The following EPB41 variants were observed in gnomAD, a reference collection of about 807,000 sequenced individuals.
The protein encoded by EPB41 is erythrocyte membrane protein band 4.1.
In EPB41, 65 loss-of-function variants were observed where a neutral mutation model predicts 108.0. The observed-to-expected ratio is 0.60, with a 90% confidence interval of 0.49 to 0.74. EPB41 has a LOEUF of 0.74. Ranked by LOEUF, EPB41 falls within the 30% of genes least tolerant of loss-of-function variation. EPB41 has a pLI of 0.00. For synonymous variants in EPB41, 336 were observed against 358.9 expected (o/e 0.94, Z 0.72); for missense variants, 875 against 1,037.0 (o/e 0.84, Z 2.15).
intron 2 of EPB41, among the ~76,000 whole-genome samples, chr1:28,988,504 C>T (rs950613757): frequency 6.6e-6 from 1 of 151,836 alleles, no homozygotes; most frequent in Admixed American, 6.6e-5. Flanking sequence ...GGATTACAGG[C>T]GCTGGCCACC....
intron 16 of EPB41, among the ~76,000 whole-genome samples, chr1:29,066,831 G>A (rs902115686): frequency 1.6e-4 from 25 of 151,606 alleles, no homozygotes; most frequent in Admixed American, 1.1e-3. Flanking sequence ...CTGCCGCCAC[G>A]CCCAGCTAAT....
chr1:29,105,743 C>CTT (rs63685960), intron 17 of EPB41, among the ~76,000 whole-genome samples: 2,932 of 90,850 alleles, frequency 0.032, 118 homozygotes, highest in African/African-American at 0.038. Context: ...ATGTACAGAT[C>CTT]TTTTTTTTTT....
intron 1 of EPB41, among the ~76,000 whole-genome samples, chr1:28,962,170 C>T (rs1001770060): frequency 5.3e-5 from 8 of 151,988 alleles, no homozygotes; most frequent in South Asian, 4.2e-4. Flanking sequence ...AAGCGATTCT[C>T]CTGCCTCAGG....
intron 1 of EPB41, among the ~76,000 whole-genome samples, chr1:28,951,849 G>T (rs1330085096): frequency 1.3e-5 from 2 of 152,140 alleles, no homozygotes; most frequent in Non-Finnish European, 2.9e-5. Context: ...TCGTACTGCA[G>T]CCTGGGAATG....
Position 29,108,622 on chromosome 1 carries a change from A to T in EPB41, c.2314-714A>T, listed in dbSNP as rs994478811. On this transcript the variant is annotated intron_variant, in intron 17 of 20. Transcript: ENST00000343067. ...CCCAGGCTGGAAGTACAGTGGCGGG[A>T]TCTTGGCTCACTGCAACTTCCACCT... is the stretch of plus-strand genomic sequence containing the variant. 2.6e-5 allele frequency among the ~76,000 whole-genome samples: 4 copies of T among 151,352 alleles called. No individual in the cohort carries two copies. In the East Asian group the frequency reaches 6.0e-4, roughly 23 times the overall value.
chr1:28,917,268 ATG>A (rs1284406404), intron 1 of EPB41, among the ~76,000 whole-genome samples: 2 of 147,196 alleles, frequency 1.4e-5, no homozygotes, highest in Admixed American at 1.4e-4. Context: ...GTGTGTGTGT[ATG>A]TGTGTGTGTG....
rs201679138 is a variant in EPB41 at position 29,036,676 on chromosome 1, A to ATT, written c.1463+769_1463+770dup. ...CTATAAGGTTAAAGATGTGAAGCTG[A>ATT]TTTTTTTTTTTTTTTTTCGAGACAG... On this transcript the variant is annotated intron_variant, in intron 10 of 20. Transcript: ENST00000343067. Among the ~76,000 whole-genome samples the ATT allele has an allele frequency of 1.1e-3, 126 of 116,118 alleles. 1 individual carries two copies. Among genetic ancestry groups the ATT allele is most frequent in the African/African-American group, 3.5e-3 (113 of 32,390 alleles). 76.2% of individuals were successfully genotyped at this position (116,118 alleles called of 152,430 possible).
intron 7 of EPB41, among the ~76,000 whole-genome samples, chr1:29,019,051 A>T (rs763941556): frequency 6.6e-6 from 1 of 152,140 alleles, no homozygotes; most frequent in Non-Finnish European, 1.5e-5. Context: ...AATGTCTCTG[A>T]GCCTCAGGTT....
chr1:28,948,722 G>A (rs548458743), intron 1 of EPB41, among the ~76,000 whole-genome samples: 6 of 152,152 alleles, frequency 3.9e-5, no homozygotes, highest in African/African-American at 7.2e-5. Context: ...AGGCCAAGGC[G>A]GGCAGATCAC....
intron 1 of EPB41, among the ~76,000 whole-genome samples, chr1:28,951,203 T>C (rs982629970): frequency 6.6e-6 from 1 of 152,204 alleles, no homozygotes; most frequent in Non-Finnish European, 1.5e-5. Context: ...GATGGTATTA[T>C]GGCTTTTGGT....
At chr1:29,106,744 T>G (rs1279095441) in intron 17 of EPB41, among the ~76,000 whole-genome samples, 1 of 151,196 alleles carries the variant, frequency 6.6e-6, no homozygotes, top group Admixed American at 6.6e-5. Flanking sequence ...TGGCTAATTT[T>G]TGTATTTTTA....
At chr1:29,032,941 G>T in intron 8 of EPB41, 152 bp from the exon 9 acceptor site, 1 of 761,692 alleles carries the variant, frequency 1.3e-6, no homozygotes, top group Non-Finnish European at 2.2e-6. Context: ...AAACATAATA[G>T]GTCCATAAAT....
chr1:29,019,813 G>T (rs2096621639), intron 7 of EPB41, among the ~76,000 whole-genome samples: 1 of 152,118 alleles, frequency 6.6e-6, no homozygotes, highest in Non-Finnish European at 1.5e-5. Flanking sequence ...TATTGCCCCT[G>T]TAGGTTCAGG....
chr1:28,969,067 C>T (rs1349835101), intron 1 of EPB41, among the ~76,000 whole-genome samples: 1 of 149,014 alleles, frequency 6.7e-6, no homozygotes, highest in Non-Finnish European at 1.5e-5. Context: ...AATCTTTGGA[C>T]ATGCAATCAT....
intron 16 of EPB41, among the ~76,000 whole-genome samples, chr1:29,074,846 A>T (rs181806345): frequency 1.8e-4 from 27 of 152,210 alleles, no homozygotes; most frequent in Admixed American, 2.6e-4. Context: ...TGGAGAAAAC[A>T]CACTTTAGGA....
At chr1:28,897,341 G>A (rs1434453708) in intron 1 of EPB41, among the ~76,000 whole-genome samples, 1 of 151,934 alleles carries the variant, frequency 6.6e-6, no homozygotes, top group African/African-American at 2.4e-5. Flanking sequence ...TTGTGCCCAG[G>A]AGTTCAACAC....
In EPB41 at chr1:28,887,808, GC is replaced by G; in HGVS notation, c.-8+600del. 1 of 419,006 alleles carries G rather than the reference GC, an allele frequency of 2.4e-6. No homozygotes were observed. Among genetic ancestry groups the G allele is most frequent in the South Asian group, 9.9e-5 (1 of 10,140 alleles). 26.0% of individuals were successfully genotyped at this position (419,006 alleles called of 1,614,324 possible). ...GTCGCGCCAGCCCCACACCCTCCCTGCCAGGCTTGGTCTAGGGGACTTCCCT... is the reference window on the plus strand; with the variant it reads ...GTCGCGCCAGCCCCACACCCTCCCTGCAGGCTTGGTCTAGGGGACTTCCCT... On this transcript the variant is annotated intron_variant, in intron 1 of 16. Coordinates refer to the EPB41 transcript ENST00000347529. The surrounding 1 kb of genome is among the most constrained non-coding windows in gnomAD (Gnocchi z 4.9).
At chr1:29,001,271 A>G (rs536758366) in intron 4 of EPB41, among the ~76,000 whole-genome samples, 60 of 152,336 alleles carry the variant, frequency 3.9e-4, no homozygotes, top group African/African-American at 1.4e-3. Context: ...CAGAGGTCGC[A>G]GGGAGCCGAG....
intron 1 of EPB41, among the ~76,000 whole-genome samples, chr1:28,895,653 CT>C (rs2090588511): frequency 6.6e-6 from 1 of 152,112 alleles, no homozygotes; most frequent in Non-Finnish European, 1.5e-5. Context: ...CCATTCTTGG[CT>C]AATATTTGTA....
Sources: gnomAD v4.1 joint callset for allele counts (sites outside exome capture counted in the v4.1 genomes callset) on GRCh38, gnomAD v4.1.1 for gene constraint, Gnocchi (gnomAD v3.1) non-coding constraint, MANE v1.5 for transcripts, NCBI Gene and HGNC (gene_info 2026-07-23, HGNC 2026-07-21) for gene names.